Variants in DDTL observed in about 807,000 individuals in gnomAD.
DDTL encodes putative D-dopachrome decarboxylase-like protein.
Under a neutral mutation model 1.1 loss-of-function variants are expected in DDTL, and 1 was observed. The ratio of observed to expected loss-of-function variants is 0.91; its 90% CI spans 0.32 to 4.31. The LOEUF (loss-of-function observed/expected upper bound fraction) is 4.31, where lower values mean the gene tolerates loss of function less well. DDTL is among the 30% of genes most tolerant of loss of function. DDTL has a pLI of 0.17. For missense variants in DDTL, 54 were observed against 48.9 expected (o/e 1.10, Z -0.31); for synonymous variants, 21 against 16.6 (o/e 1.26, Z -0.64).
rs1432482839 is a variant in DDTL, at chr22:23,971,848, GAC to G, written c.*448_*449del. ...CGCACATCATGACCCAGCTAGGACA[GAC>G]ACACAATACAGTAGCCTCGGTGTGT... On this transcript the variant is annotated 3_prime_UTR_variant, in exon 3 of 3. Coordinates refer to ENST00000215770, the MANE Select transcript of DDTL (RefSeq NM_001084393.2). 3 of 567,740 alleles carry G rather than the reference GAC, an allele frequency of 5.3e-6. No individual in the cohort carries two copies. The highest frequency in any genetic ancestry group is 9.3e-6 in the Non-Finnish European group (3 of 321,106). The allele number at this position is 567,740 out of a possible 1,614,324, so 35.2% of individuals were successfully genotyped here.
chr22:23,971,599 C>T lies in DDTL; in HGVS notation c.*193C>T, dbSNP rs1347062434. The T allele has an allele frequency of 1.2e-6, 2 of 1,613,840 alleles. No individual in the cohort carries two copies. Among genetic ancestry groups the T allele is most frequent in the South Asian group, 2.2e-5 (2 of 91,068 alleles). On this transcript the variant is annotated 3_prime_UTR_variant, in exon 3 of 3. Coordinates refer to ENST00000215770, the MANE Select transcript of DDTL (RefSeq NM_001084393.2). Reference sequence around the variant, plus strand: ...CTATCTTGCCAATCTGCCAGGACTCCAAGGGGAAAAAGCGGATAAGTATCC... The same window carrying T: ...CTATCTTGCCAATCTGCCAGGACTCTAAGGGGAAAAAGCGGATAAGTATCC...
intron 2 of DDTL, among the ~76,000 whole-genome samples, chr22:23,970,660 T>C (rs1235346365): frequency 1.3e-5 from 2 of 152,094 alleles, no homozygotes; most frequent in Admixed American, 6.5e-5. Flanking sequence ...TGATTGTATA[T>C]GTGTGTGAAT....
At position 23,971,822 on chromosome 22, in the gene DDTL, C is replaced by A. The variant is rs143932987; in HGVS notation, c.*416C>A. ...TGGGACACTCAGGTGTGGGAGGTAG[C>A]CGCACATCATGACCCAGCTAGGACA... On this transcript the variant is annotated 3_prime_UTR_variant, in exon 3 of 3. Coordinates refer to ENST00000215770, the MANE Select transcript of DDTL (RefSeq NM_001084393.2). The A allele has an allele frequency of 4.5e-4, 266 of 594,312 alleles. 1 individual carries two copies. The highest frequency in any genetic ancestry group is 2.1e-3 in the African/African-American group (112 of 53,862). 36.8% of individuals were successfully genotyped at this position (594,312 alleles called of 1,614,324 possible). A position where few individuals can be genotyped will look rare whatever the true frequency, so the allele number is the denominator to read the frequency against.
At position 23,972,032 on chromosome 22, in the gene DDTL, T is replaced by C. The variant is rs142592510; in HGVS notation, c.*626T>C. ...CCCCACCAACCCCGCCACTAATGTC[T>C]GGGCCATAAGTGAACATGCCCCTCT... On this transcript the variant is annotated 3_prime_UTR_variant, in exon 3 of 3. Coordinates refer to ENST00000215770, the MANE Select transcript of DDTL (RefSeq NM_001084393.2). 2,773 of 370,980 alleles carry C rather than the reference T, an allele frequency of 7.5e-3. 62 individuals carry two copies. Among genetic ancestry groups the C allele is most frequent in the African/African-American group, 0.057 (2,613 of 45,586 alleles). 23.0% of individuals were successfully genotyped at this position (370,980 alleles called of 1,614,324 possible).
intron 2 of DDTL, among the ~76,000 whole-genome samples, chr22:23,970,040 G>A (rs1347297492): frequency 6.6e-6 from 1 of 152,166 alleles, no homozygotes; most frequent in Admixed American, 6.5e-5. Flanking sequence ...GTGACCTTGA[G>A]TTGCACTTAG....
At position 23,971,730 on chromosome 22, in the gene DDTL, A is replaced by G. The variant is rs1023820151; in HGVS notation, c.*324A>G. 2 of 1,004,214 alleles carry G rather than the reference A, an allele frequency of 2.0e-6. No homozygotes were observed. Among genetic ancestry groups the G allele is most frequent in the African/African-American group, 3.3e-5 (2 of 61,454 alleles). The allele number at this position is 1,004,214 out of a possible 1,614,324, so 62.2% of individuals were successfully genotyped here. Reference sequence around the variant, plus strand: ...GTGGGTACTCAGGACAGCCTGCCTCAGTCCACCAGGCATTTTGCAAACCTG... The same window carrying G: ...GTGGGTACTCAGGACAGCCTGCCTCGGTCCACCAGGCATTTTGCAAACCTG... On this transcript the variant is annotated 3_prime_UTR_variant, in exon 3 of 3. Transcript: ENST00000215770.
intron 2 of DDTL, 72 bp from the exon 3 acceptor site, chr22:23,971,214 G>A: frequency 6.5e-7 from 1 of 1,541,162 alleles, no homozygotes; most frequent in Non-Finnish European, 8.7e-7. Flanking sequence ...CTGCAGATGG[G>A]TGTGGAGAGC....
At chr22:23,971,200 A>T in intron 2 of DDTL, 86 bp from the exon 3 acceptor site, 2 of 1,517,614 alleles carry the variant, frequency 1.3e-6, no homozygotes, top group Non-Finnish European at 8.8e-7. Context: ...ACCTTCCCAC[A>T]GGCCTGCAGA....
rs2033908519 is a variant in DDTL, at chr22:23,971,743, T to C, written c.*337T>C. The C allele has an allele frequency of 2.3e-6, 2 of 871,250 alleles. No homozygotes were observed. Among genetic ancestry groups the C allele is most frequent in the East Asian group, 2.6e-5 (1 of 38,048 alleles). The allele number at this position is 871,250 out of a possible 1,614,324, so 54.0% of individuals were successfully genotyped here. A position where few individuals can be genotyped will look rare whatever the true frequency, so the allele number is the denominator to read the frequency against. ...ACAGCCTGCCTCAGTCCACCAGGCA[T>C]TTTGCAAACCTGCTCATCCCAATAA... On this transcript the variant is annotated 3_prime_UTR_variant, in exon 3 of 3. Transcript: ENST00000215770.
intron 2 of DDTL, chr22:23,969,842 A>C: frequency 2.0e-6 from 2 of 985,900 alleles, no homozygotes; most frequent in Non-Finnish European, 2.4e-6. Context: ...TGCTTTCAAC[A>C]GACACTCCAA....
chr22:23,969,867 T>C (rs1257354818), intron 2 of DDTL: 2 of 985,628 alleles, frequency 2.0e-6, no homozygotes, highest in African/African-American at 3.5e-5. Flanking sequence ...GTACACGAAA[T>C]AAAGAATAAA....
rs1181347068 is a variant in DDTL, at chr22:23,971,563, C to G, written c.*157C>G. ...CCTCCGTGCCCAATCATAAAAAAGT[C>G]ATGACCGTCCCTATCTTGCCAATCT... On this transcript the variant is annotated 3_prime_UTR_variant, in exon 3 of 3. Coordinates refer to ENST00000215770, the MANE Select transcript of DDTL (RefSeq NM_001084393.2). 6.2e-7 allele frequency: 1 copy of G among 1,614,124 alleles called. No homozygotes were observed. Among genetic ancestry groups the G allele is most frequent in the Non-Finnish European group, 8.5e-7 (1 of 1,179,996 alleles).
chr22:23,969,149 G>C, intron 2 of DDTL: 1 of 983,676 alleles, frequency 1.0e-6, no homozygotes, highest in Non-Finnish European at 1.2e-6. Flanking sequence ...ATCCCCATGA[G>C]GTAGATAATC....
chr22:23,971,493 G>C lies in DDTL; in HGVS notation c.*87G>C. On this transcript the variant is annotated 3_prime_UTR_variant, in exon 3 of 3. Transcript: ENST00000215770. Reference sequence around the variant, plus strand: ...TATCTCCAGGCCCTCACTCTGCCAAGAGATCTCTCTGGAAGAAGCAGCCAG... The same window carrying C: ...TATCTCCAGGCCCTCACTCTGCCAACAGATCTCTCTGGAAGAAGCAGCCAG... 6.2e-7 allele frequency: 1 copy of C among 1,609,710 alleles called. No individual in the cohort carries two copies. The highest frequency in any genetic ancestry group is 8.5e-7 in the Non-Finnish European group (1 of 1,177,030).
In DDTL at chr22:23,971,834, A is replaced by C; in HGVS notation, c.*428A>C. 3.4e-6 allele frequency: 2 copies of C among 581,862 alleles called. No homozygotes were observed. The highest frequency in any genetic ancestry group is 1.9e-5 in the African/African-American group (1 of 53,608). 36.0% of individuals were successfully genotyped at this position (581,862 alleles called of 1,614,324 possible). On this transcript the variant is annotated 3_prime_UTR_variant, in exon 3 of 3. Transcript: ENST00000215770. Reference sequence around the variant, plus strand: ...GTGTGGGAGGTAGCCGCACATCATGACCCAGCTAGGACAGACACACAATAC... The same window carrying C: ...GTGTGGGAGGTAGCCGCACATCATGCCCCAGCTAGGACAGACACACAATAC...
At chr22:23,969,692 G>GT in intron 2 of DDTL, 1 of 978,068 alleles carries the variant, frequency 1.0e-6, no homozygotes. Flanking sequence ...GGTGGCATGA[G>GT]CCTGTGATCC....
At chr22:23,971,151 G>A in intron 2 of DDTL, 135 bp from the exon 3 acceptor site, 3 of 1,327,928 alleles carry the variant, frequency 2.3e-6, no homozygotes, top group Non-Finnish European at 3.1e-6. Flanking sequence ...CCTCAGGTCA[G>A]CAGTCTGCAG....
At chr22:23,970,959 T>TG (rs1373696455) in intron 2 of DDTL, among the ~76,000 whole-genome samples, 1 of 151,118 alleles carries the variant, frequency 6.6e-6, no homozygotes, top group Non-Finnish European at 1.5e-5. Flanking sequence ...AGGGGCAGAC[T>TG]GGGGACCCTG....
chr22:23,971,350 AT>A lies in DDTL; in HGVS notation c.350del (p.Ile117LysfsTer8). 7 of 1,614,192 alleles carry A rather than the reference AT, an allele frequency of 4.3e-6. No individual in the cohort carries two copies. Among genetic ancestry groups the A allele is most frequent in the Non-Finnish European group, 5.1e-6 (6 of 1,180,024 alleles). On this transcript the variant is annotated frameshift_variant, in exon 3 of 3. Coordinates refer to ENST00000215770, the MANE Select transcript of DDTL (RefSeq NM_001084393.2). LOFTEE classifies it low-confidence loss of function (END_TRUNC). ...TGGCCCCAGATGCCCAGGAGAGATA[AT>A]AGAAGGTAAGAAGTCATGTTTGAAT... is the stretch of plus-strand genomic sequence containing the variant. ...HGGPRCPGEI[I>X]EGKKSCLNEE...
Sources: gnomAD v4.1 joint callset for allele counts (sites outside exome capture counted in the v4.1 genomes callset) on GRCh38, gnomAD v4.1.1 for gene constraint, MANE v1.5 for transcripts, NCBI Gene and HGNC (gene_info 2026-07-23, HGNC 2026-07-21) for gene names.